Variants in DENND1A observed in about 807,000 individuals in gnomAD.
DENND1A encodes DENN domain-containing protein 1A.
In DENND1A, 51 loss-of-function variants were observed where a neutral mutation model predicts 113.7. The ratio of observed to expected loss-of-function variants is 0.45; its 90% CI spans 0.36 to 0.57. The LOEUF is 0.57. DENND1A is among the 20% of genes least tolerant of loss of function. DENND1A has a pLI of 0.00. For synonymous variants in DENND1A, 565 were observed against 570.8 expected, an observed-to-expected ratio of 0.99 and a Z score of 0.14; for missense variants, 1,258 against 1,395.9, an observed-to-expected ratio of 0.90 and a Z score of 1.57.
chr9:123,395,601 C>T (rs1173635732), intron 21 of DENND1A, among the ~76,000 whole-genome samples: 3 of 151,958 alleles, frequency 2.0e-5, no homozygotes, highest in Admixed American at 1.3e-4. Flanking sequence ...GGGAGTGGGC[C>T]CTGGCAGCCT....
chr9:123,765,699 T>C (rs938111891), intron 4 of DENND1A, among the ~76,000 whole-genome samples: 1 of 152,198 alleles, frequency 6.6e-6, no homozygotes, highest in Non-Finnish European at 1.5e-5. Context: ...TTGTCAGCTA[T>C]CAAGGGCAAG....
chr9:123,832,601 A>G (rs1304699064), intron 2 of DENND1A, among the ~76,000 whole-genome samples: 1 of 152,120 alleles, frequency 6.6e-6, no homozygotes, highest in African/African-American at 2.4e-5. Flanking sequence ...ACCAAAACCA[A>G]AGGGGAAACA....
At chr9:123,632,114 G>A (rs1360996010) in intron 9 of DENND1A, among the ~76,000 whole-genome samples, 1 of 152,140 alleles carries the variant, frequency 6.6e-6, no homozygotes, top group Non-Finnish European at 1.5e-5. Context: ...AGTGTAACAT[G>A]AACAGCTTTA....
intron 11 of DENND1A, 126 bp from the exon 12 acceptor site, chr9:123,583,396 C>G: frequency 1.6e-6 from 1 of 633,064 alleles, no homozygotes. Flanking sequence ...TACTCTGCAG[C>G]AGGCCCAATG....
chr9:123,585,880 A>G (rs1006546685), intron 11 of DENND1A, among the ~76,000 whole-genome samples: 2 of 152,166 alleles, frequency 1.3e-5, no homozygotes, highest in African/African-American at 2.4e-5. Flanking sequence ...GGCTGCTGTG[A>G]TGAGAGCAAA....
Position 123,929,892 on chromosome 9 carries a change from A to T in DENND1A, c.14T>A (p.Ile5Asn). The T allele has an allele frequency of 6.2e-6, 2 of 322,798 alleles. No individual in the cohort carries two copies. The highest frequency in any genetic ancestry group is 1.2e-5 in the Non-Finnish European group (2 of 172,980). 20.0% of individuals were successfully genotyped at this position (322,798 alleles called of 1,614,324 possible). The change falls in exon 1 of 24, where the codon ATC becomes AAC. Residue 5 changes from isoleucine (I) to asparagine (N), a missense_variant. Around this residue, in one of 2 missense-constraint regions of DENND1A, gnomAD observed 99 missense variants for 164.2 expected, o/e 0.60. Coordinates refer to ENST00000394215, the MANE Select transcript of DENND1A (RefSeq NM_001352964.2). ...CGCCCGGCCCGGCCGCACTCACTTG[A>T]TCCTGGAGCCCATGGTCCCCAGGCC... MGSR[I>N]KQNPETTFEV...
intron 10 of DENND1A, among the ~76,000 whole-genome samples, chr9:123,611,006 C>G (rs1258792771): frequency 6.6e-6 from 1 of 152,184 alleles, no homozygotes; most frequent in East Asian, 1.9e-4. Context: ...TATAAAATGT[C>G]CTCCTTACTA....
intron 10 of DENND1A, among the ~76,000 whole-genome samples, chr9:123,615,273 ACTAAGATTGGAAAAG>A (rs2060597256): frequency 6.6e-6 from 1 of 152,214 alleles, no homozygotes; most frequent in African/African-American, 2.4e-5. Flanking sequence ...AGATGGAAAA[ACTAAGATTGGAAAAG>A]CTAAATCATT....
At chr9:123,538,587 C>T (rs186180383) in intron 13 of DENND1A, among the ~76,000 whole-genome samples, 28 of 151,788 alleles carry the variant, frequency 1.8e-4, no homozygotes, top group African/African-American at 4.8e-4. Flanking sequence ...ACTCAGGTGT[C>T]AACCTGAAGT....
At chr9:123,655,720 A>AG (rs1254562409) in intron 8 of DENND1A, among the ~76,000 whole-genome samples, 1 of 152,234 alleles carries the variant, frequency 6.6e-6, no homozygotes, top group Non-Finnish European at 1.5e-5. Flanking sequence ...AGAGGATAGA[A>AG]GGGAGGACTT....
chr9:123,798,474 AT>A lies in DENND1A; in HGVS notation c.89-5845del, dbSNP rs1284309077. The A allele has an allele frequency of 2.0e-5, 3 of 152,206 alleles. No homozygotes were observed. The East Asian group carries it at 5.8e-4, about 29-fold the overall frequency. 9.4% of individuals were successfully genotyped at this position (152,206 alleles called of 1,614,324 possible). On this transcript the variant is annotated intron_variant, in intron 2 of 23. Transcript: ENST00000394215. Reference sequence around the variant, plus strand: ...AAATACATCAGCTGTTGTACAAATAATGAGTCCATTGACATTATACAGTAAA... The same window carrying A: ...AAATACATCAGCTGTTGTACAAATAAGAGTCCATTGACATTATACAGTAAA...
At chr9:123,806,829 G>A (rs143946179) in intron 2 of DENND1A, among the ~76,000 whole-genome samples, 254 of 152,268 alleles carry the variant, frequency 1.7e-3, no homozygotes, top group African/African-American at 5.3e-3. Flanking sequence ...AAGGAATAAA[G>A]GGAGTAATAC....
chr9:123,392,547 G>A (rs2042912391), intron 21 of DENND1A, among the ~76,000 whole-genome samples: 1 of 152,142 alleles, frequency 6.6e-6, no homozygotes, highest in African/African-American at 2.4e-5. Context: ...CCAGGGTGAG[G>A]CTAGGTCCTG....
intron 12 of DENND1A, among the ~76,000 whole-genome samples, chr9:123,566,744 A>G (rs539005280): frequency 1.5e-4 from 23 of 152,276 alleles, no homozygotes; most frequent in African/African-American, 4.6e-4. Context: ...CCCTCTCCCC[A>G]TGAGATTAAT....
chr9:123,792,754 G>T, intron 2 of DENND1A, 124 bp from the exon 3 acceptor site: 1 of 1,004,372 alleles, frequency 1.0e-6, no homozygotes, highest in Non-Finnish European at 1.5e-6. Flanking sequence ...GGGCAGCTGA[G>T]GCTGCTATGT....
intron 13 of DENND1A, among the ~76,000 whole-genome samples, chr9:123,508,260 T>G (rs1025776811): frequency 2.0e-5 from 3 of 152,258 alleles, no homozygotes; most frequent in African/African-American, 7.2e-5. Context: ...GGGATCATAT[T>G]GTCCGGACCT....
chr9:123,846,593 GAC>G (rs1474638178), intron 2 of DENND1A, among the ~76,000 whole-genome samples: 2 of 152,152 alleles, frequency 1.3e-5, no homozygotes, highest in African/African-American at 4.8e-5. Context: ...AAATAAACCA[GAC>G]AGAAAAGGAC....
intron 13 of DENND1A, among the ~76,000 whole-genome samples, chr9:123,520,035 C>T (rs1420775112): frequency 6.6e-6 from 1 of 150,540 alleles, no homozygotes; most frequent in Non-Finnish European, 1.5e-5. Context: ...TGGTGCACGC[C>T]TGTGGTCCCA....
chr9:123,813,526 A>C (rs2132485276), intron 2 of DENND1A, among the ~76,000 whole-genome samples: 1 of 151,672 alleles, frequency 6.6e-6, no homozygotes, highest in East Asian at 1.9e-4. Context: ...AAAAAAAAAA[A>C]TTAGGGAAAA....
Sources: allele counts gnomAD v4.1 joint callset (sites outside exome capture counted in the v4.1 genomes callset), GRCh38; gene constraint gnomAD v4.1.1; regional missense constraint gnomAD v4.1.1; transcripts MANE v1.5; gene names NCBI Gene and HGNC (gene_info 2026-07-23, HGNC 2026-07-21).